The following TRIM44 variants were observed in gnomAD, a reference collection of about 807,000 sequenced individuals.
TRIM44 encodes tripartite motif containing 44.
TRIM44 carries 13 observed loss-of-function variants against 37.4 expected under a neutral mutation model. That is an observed-to-expected ratio of 0.35 (90% CI 0.23 to 0.55). TRIM44 has a LOEUF of 0.55. Among genes scored for constraint, TRIM44 ranks in the 20% least tolerant of loss-of-function variants. The pLI is 0.89. For synonymous variants in TRIM44, 175 were observed against 157.2 expected, an observed-to-expected ratio of 1.11 and a Z score of -0.85; for missense variants, 426 against 437.2, an observed-to-expected ratio of 0.97 and a Z score of 0.23.
intron 2 of TRIM44, among the ~76,000 whole-genome samples, chr11:35,724,603 C>T (rs935586397): frequency 1.3e-5 from 2 of 152,170 alleles, no homozygotes; most frequent in African/African-American, 4.8e-5. Context: ...AATACAGTTG[C>T]TGGTAAAATT....
intron 3 of TRIM44, among the ~76,000 whole-genome samples, chr11:35,729,252 G>A (rs1008250419): frequency 2.6e-5 from 4 of 151,998 alleles, no homozygotes; most frequent in Non-Finnish European, 5.9e-5. Context: ...ACCCCAATTG[G>A]CACGCAGCAG....
At position 35,730,467 on chromosome 11, in the gene TRIM44, A is replaced by G. The variant is rs532744072; in HGVS notation, c.987+4304A>G. Among the ~76,000 whole-genome samples the G allele has an allele frequency of 4.6e-5, 7 of 152,340 alleles. No individual in the cohort carries two copies. The South Asian group carries it at 1.4e-3, about 32-fold the overall frequency. On this transcript the variant is annotated intron_variant, in intron 3 of 4. Coordinates refer to ENST00000299413, the MANE Select transcript of TRIM44 (RefSeq NM_017583.6). ...AATATCTAAAATTTGGCTGAAAGAC[A>G]TAAACCTACAGATTTAAGAAGCAGA...
chr11:35,681,446 A>C (rs556451288), intron 1 of TRIM44, among the ~76,000 whole-genome samples: 1 of 152,170 alleles, frequency 6.6e-6, no homozygotes, highest in Non-Finnish European at 1.5e-5. Flanking sequence ...GGGTGTCACA[A>C]TGTAGCACTT....
intron 4 of TRIM44, among the ~76,000 whole-genome samples, chr11:35,784,415 A>G (rs1853103498): frequency 6.6e-6 from 1 of 152,252 alleles, no homozygotes; most frequent in Non-Finnish European, 1.5e-5. Context: ...TTTACAGAAT[A>G]TAAGAGTATT....
intron 2 of TRIM44, among the ~76,000 whole-genome samples, chr11:35,723,221 A>T (rs1040502228): frequency 2.6e-5 from 4 of 152,192 alleles, no homozygotes; most frequent in Non-Finnish European, 5.9e-5. Flanking sequence ...ACCTAACTTT[A>T]TTATCGTACT....
rs942865516 is a variant in TRIM44, at chr11:35,817,161, C to T, written c.*10776C>T. The T allele has an allele frequency of 6.6e-6, 1 of 152,084 alleles. No individual in the cohort carries two copies. The allele number at this position is 152,084 out of a possible 1,614,324, so 9.4% of individuals were successfully genotyped here. ...ACTGACATCTTGATAATGCCCATAT[C>T]CAGAGGTACTCCAGATATTATATCT... is the stretch of plus-strand genomic sequence containing the variant. On this transcript the variant is annotated 3_prime_UTR_variant, in exon 5 of 5. Coordinates refer to ENST00000299413, the MANE Select transcript of TRIM44 (RefSeq NM_017583.6).
Position 35,806,622 on chromosome 11 carries a change from C to G in TRIM44, c.*237C>G, listed in dbSNP as rs1239251693. 3 of 512,760 alleles carry G rather than the reference C, an allele frequency of 5.9e-6. No homozygotes were observed. Among genetic ancestry groups the G allele is most frequent in the African/African-American group, 3.9e-5 (2 of 51,792 alleles). The allele number at this position is 512,760 out of a possible 1,614,324, so 31.8% of individuals were successfully genotyped here. A position where few individuals can be genotyped will look rare whatever the true frequency, so the allele number is the denominator to read the frequency against. ...AAGGAAAAGAGCCCCTTTGATCCAC[C>G]AGGAGCAATTAAGAAAGGTCCTTCA... On this transcript the variant is annotated 3_prime_UTR_variant, in exon 5 of 5. Coordinates refer to ENST00000299413, the MANE Select transcript of TRIM44 (RefSeq NM_017583.6).
intron 2 of TRIM44, among the ~76,000 whole-genome samples, chr11:35,695,462 C>T (rs1851685543): frequency 6.6e-6 from 1 of 152,038 alleles, no homozygotes; most frequent in Admixed American, 6.6e-5. Context: ...TTTTGTTCTG[C>T]TTGGGTTAGC....
At chr11:35,747,245 A>G (rs1240107472) in intron 4 of TRIM44, among the ~76,000 whole-genome samples, 2 of 152,222 alleles carry the variant, frequency 1.3e-5, no homozygotes, top group Non-Finnish European at 2.9e-5. Context: ...CAGCAGTAAT[A>G]CCTGCCTGTG....
At chr11:35,754,190 C>A (rs1852594884) in intron 4 of TRIM44, among the ~76,000 whole-genome samples, 1 of 152,086 alleles carries the variant, frequency 6.6e-6, no homozygotes, top group African/African-American at 2.4e-5. Context: ...CTTTACTAAT[C>A]TGTTAGTGGT....
chr11:35,791,962 G>A (rs772789876), intron 4 of TRIM44, among the ~76,000 whole-genome samples: 25 of 152,040 alleles, frequency 1.6e-4, no homozygotes, highest in Non-Finnish European at 5.9e-5. Flanking sequence ...ATTTAGTTGA[G>A]TACTCATTAG....
At chr11:35,706,178 C>T (rs1239491362) in intron 2 of TRIM44, among the ~76,000 whole-genome samples, 1 of 149,018 alleles carries the variant, frequency 6.7e-6, no homozygotes, top group Non-Finnish European at 1.5e-5. Context: ...TGGATAAATT[C>T]CTTGACACAT....
chr11:35,685,658 A>G (rs1851566635), intron 2 of TRIM44, among the ~76,000 whole-genome samples: 1 of 152,074 alleles, frequency 6.6e-6, no homozygotes, highest in Non-Finnish European at 1.5e-5. Context: ...GTCTGAGAGA[A>G]ATACAGATCA....
intron 4 of TRIM44, among the ~76,000 whole-genome samples, chr11:35,748,146 A>G (rs891989793): frequency 1.5e-4 from 23 of 152,164 alleles, no homozygotes; most frequent in Non-Finnish European, 5.9e-5. Context: ...AGGGGGCCAC[A>G]TGAATGACTA....
In TRIM44 at chr11:35,814,074, T is replaced by A. The variant is rs1467642489; in HGVS notation, c.*7689T>A. On this transcript the variant is annotated 3_prime_UTR_variant, in exon 5 of 5. Transcript: ENST00000299413. ...ATAAAAGTCACTTAAGCATCCCTGT[T>A]AGTTCTAAGCCCCTGTCGATTGCCC... The A allele has an allele frequency of 2.0e-5, 3 of 152,236 alleles. No homozygotes were observed. Among genetic ancestry groups the A allele is most frequent in the Non-Finnish European group, 4.4e-5 (3 of 68,036 alleles). The allele number at this position is 152,236 out of a possible 1,614,324, so 9.4% of individuals were successfully genotyped here.
chr11:35,777,801 T>C (rs1852992790), intron 4 of TRIM44, among the ~76,000 whole-genome samples: 1 of 152,236 alleles, frequency 6.6e-6, no homozygotes, highest in Non-Finnish European at 1.5e-5. Flanking sequence ...TCTTCTGGCT[T>C]GTAGGGTTTC....
chr11:35,722,694 T>C (rs551344719), intron 2 of TRIM44, among the ~76,000 whole-genome samples: 1 of 152,336 alleles, frequency 6.6e-6, no homozygotes, highest in East Asian at 1.9e-4. Context: ...CCAGCTTCTT[T>C]ACTGCAAACG....
intron 2 of TRIM44, among the ~76,000 whole-genome samples, chr11:35,710,302 A>G (rs1389779076): frequency 6.6e-6 from 1 of 152,228 alleles, no homozygotes; most frequent in Non-Finnish European, 1.5e-5. Flanking sequence ...TATCTCTTAT[A>G]AATGGATACA....
chr11:35,796,015 G>A (rs1302274068), intron 4 of TRIM44, among the ~76,000 whole-genome samples: 3 of 152,040 alleles, frequency 2.0e-5, no homozygotes, highest in East Asian at 3.9e-4. Flanking sequence ...TACGAACACC[G>A]ACCTCAAAAT....
Sources: gnomAD v4.1 joint callset for allele counts (sites outside exome capture counted in the v4.1 genomes callset) on GRCh38, gnomAD v4.1.1 for gene constraint, MANE v1.5 for transcripts, NCBI Gene and HGNC (gene_info 2026-07-23, HGNC 2026-07-21) for gene names.